AKAP11: variants seen among roughly 807,000 people sequenced by gnomAD.
The protein encoded by AKAP11 is A-kinase anchoring protein 11, also known as A-kinase anchor protein 11.
Under a neutral mutation model 146.1 loss-of-function variants are expected in AKAP11, and 36 were observed. The observed-to-expected ratio is 0.25, with a 90% CI of 0.19 to 0.33. The LOEUF is 0.33. Among genes scored for constraint, AKAP11 ranks in the 10% least tolerant of loss-of-function variants. AKAP11 has a pLI of 1.00. For synonymous variants in AKAP11, 780 were observed against 786.5 expected, an observed-to-expected ratio of 0.99 and a Z score of 0.14; for missense variants, 2,201 against 2,197.0, an observed-to-expected ratio of 1.00 and a Z score of -0.04.
At chr13:42,290,970 T>C (rs773242663) in intron 3 of AKAP11, among the ~76,000 whole-genome samples, 11 of 152,164 alleles carry the variant, frequency 7.2e-5, no homozygotes, top group Non-Finnish European at 1.3e-4. Flanking sequence ...TTTCTAAGAC[T>C]TTTCAGTGGA....
Position 42,308,565 on chromosome 13 carries a change from T to G in AKAP11, c.5229T>G (p.Asp1743Glu), listed in dbSNP as rs368763861. 2 of 1,613,302 alleles carry G rather than the reference T, an allele frequency of 1.2e-6. No individual in the cohort carries two copies. Among genetic ancestry groups the G allele is most frequent in the Non-Finnish European group, 1.7e-6 (2 of 1,179,516 alleles). The change falls in exon 9 of 13, where the codon GAT becomes GAG. Residue 1743 changes from aspartate to glutamate, a missense_variant. Around this residue, in one of 3 missense-constraint regions of AKAP11, gnomAD observed 1,867 missense variants for 1,833.5 expected, o/e 1.02. Transcript: ENST00000025301. The part of the protein sequence containing the change: ...TGSWSNLSFE[D>E]EHQDESSSFH... ...GCTGGTCCAATTTAAGTTTTGAAGA[T>G]GAACACCAAGATGAAAGCAGCAGTT...
intron 3 of AKAP11, among the ~76,000 whole-genome samples, chr13:42,288,656 C>T (rs532804093): frequency 2.0e-5 from 3 of 152,328 alleles, no homozygotes; most frequent in African/African-American, 7.2e-5. Context: ...TCCAGTCTAG[C>T]CTCTTAGTCT....
chr13:42,291,663 A>G (rs1959218577), intron 3 of AKAP11, among the ~76,000 whole-genome samples: 1 of 152,202 alleles, frequency 6.6e-6, no homozygotes, highest in Non-Finnish European at 1.5e-5. Flanking sequence ...AGGTCTTGGG[A>G]TGGGTAGGAT....
At position 42,313,106 on chromosome 13, in the gene AKAP11, A is replaced by G. The variant is rs774524645; in HGVS notation, c.5333A>G (p.Asn1778Ser). The G allele has an allele frequency of 5.0e-6, 8 of 1,613,138 alleles. No individual in the cohort carries two copies. Among genetic ancestry groups the G allele is most frequent in the East Asian group, 2.2e-5 (1 of 44,840 alleles). ...TTAGAAGGAGATTTGTATGAGGACA[A>G]TTTATCCTTTCCAACATCAGACAGG... Reference protein sequence around the residue: ...LGLEGDLYEDNLSFPTSDSDG... With the variant: ...LGLEGDLYEDSLSFPTSDSDG... The change falls in exon 10 of 13, where the codon AAT becomes AGT. Residue 1778 changes from asparagine (N) to serine (S), a missense_variant. By Grantham distance (46) the Asn-to-Ser change is conservative. Around this residue, in one of 3 missense-constraint regions of AKAP11, gnomAD observed 1,867 missense variants for 1,833.5 expected, o/e 1.02. Coordinates refer to ENST00000025301, the MANE Select transcript of AKAP11 (RefSeq NM_016248.4).
At position 42,286,641 on chromosome 13, in the gene AKAP11, G is replaced by T. The variant is rs553874527; in HGVS notation, c.51+242G>T. On this transcript the variant is annotated intron_variant, in intron 3 of 12. Coordinates refer to ENST00000025301, the MANE Select transcript of AKAP11 (RefSeq NM_016248.4). ...TTTTTCTCTACACATAGATATCCAT[G>T]TGCTTTTTTGCAATATAGGCTGTCA... Among the ~76,000 whole-genome samples, 14 of 152,232 alleles carry T rather than the reference G, an allele frequency of 9.2e-5. No individual in the cohort carries two copies. The South Asian group carries it at 2.7e-3, about 29-fold the overall frequency.
chr13:42,282,015 T>C (rs1207999126), intron 1 of AKAP11, among the ~76,000 whole-genome samples: 1 of 150,548 alleles, frequency 6.6e-6, no homozygotes, highest in Admixed American at 6.6e-5. Flanking sequence ...GTGGCCCAGG[T>C]TGGAGTGCAG....
Position 42,320,509 on chromosome 13 carries a change from T to G in AKAP11, c.*1281T>G. The stretch of plus-strand genomic sequence containing the variant: ...CTCTCTCTCCCCTCCTCCCACTCTC[T>G]TCCCCCTCCCCCCTCCTCCCACTGT... On this transcript the variant is annotated 3_prime_UTR_variant, in exon 13 of 13. Transcript: ENST00000025301. The G allele has an allele frequency of 2.1e-5, 3 of 144,076 alleles. No homozygotes were observed. The highest frequency in any genetic ancestry group is 2.5e-4 in the South Asian group (1 of 4,050). 8.9% of individuals were successfully genotyped at this position (144,076 alleles called of 1,614,324 possible). A position where few individuals can be genotyped will look rare whatever the true frequency, so the allele number is the denominator to read the frequency against.
chr13:42,271,696 T>C (rs1958770410), upstream of AKAP11, among the ~76,000 whole-genome samples: 1 of 152,058 alleles, frequency 6.6e-6, no homozygotes. Flanking sequence ...GCCTGGGGAC[T>C]TGCCAGAGGG....
rs151329683 is a variant in AKAP11 at position 42,302,069 on chromosome 13, C to T, written c.3323C>T (p.Pro1108Leu). Residue 1108 changes from proline (P) to leucine (L), a missense_variant, in exon 8 of 13, where the codon CCA becomes CTA. Physicochemically the swap from Pro to Leu is moderately conservative, Grantham distance 98. This residue lies in a region of AKAP11 where 1,867 missense variants were observed against 1,833.5 expected (regional missense o/e 1.02). Coordinates refer to ENST00000025301, the MANE Select transcript of AKAP11 (RefSeq NM_016248.4). Reference protein sequence around the residue: ...PDTPPSTPLVPSRASSEWDIK... With the variant: ...PDTPPSTPLVLSRASSEWDIK... ...ACTCCTCCATCAACTCCTCTAGTACCATCCCGGGCTAGTTCTGAATGGGAT... is the reference window on the plus strand; with the variant it reads ...ACTCCTCCATCAACTCCTCTAGTACTATCCCGGGCTAGTTCTGAATGGGAT... 280 of 1,614,016 alleles carry T rather than the reference C, an allele frequency of 1.7e-4. No individual in the cohort carries two copies. The highest frequency in any genetic ancestry group is 2.2e-4 in the Non-Finnish European group (265 of 1,180,014).
At chr13:42,309,736 A>G (rs1363967187) in intron 9 of AKAP11, among the ~76,000 whole-genome samples, 1 of 152,208 alleles carries the variant, frequency 6.6e-6, no homozygotes, top group Non-Finnish European at 1.5e-5. Flanking sequence ...GCCCTTTTCT[A>G]TAACTTTATC....
intron 1 of AKAP11, among the ~76,000 whole-genome samples, chr13:42,272,553 C>T (rs970707986): frequency 5.9e-5 from 9 of 152,178 alleles, no homozygotes; most frequent in African/African-American, 2.2e-4. Context: ...CTGTTTCCAT[C>T]CCCGGGGTGG....
intron 3 of AKAP11, among the ~76,000 whole-genome samples, chr13:42,290,555 C>G (rs922385474): frequency 6.6e-6 from 1 of 152,140 alleles, no homozygotes; most frequent in Non-Finnish European, 1.5e-5. Flanking sequence ...TGGGAGTTTA[C>G]AAATGGGGTT....
At chr13:42,307,429 G>A (rs138606187) in intron 8 of AKAP11, among the ~76,000 whole-genome samples, 1 of 152,288 alleles carries the variant, frequency 6.6e-6, no homozygotes, top group East Asian at 1.9e-4. Context: ...GCAAGGTAGG[G>A]AGTTAGGGAG....
chr13:42,280,358 A>G (rs1485214974), intron 1 of AKAP11, among the ~76,000 whole-genome samples: 3 of 152,230 alleles, frequency 2.0e-5, no homozygotes, highest in Non-Finnish European at 2.9e-5. Flanking sequence ...CAAAATGTGT[A>G]TTTGGAGTGT....
intron 1 of AKAP11, among the ~76,000 whole-genome samples, chr13:42,284,788 G>A (rs745570555): frequency 6.6e-6 from 1 of 152,204 alleles, no homozygotes; most frequent in Non-Finnish European, 1.5e-5. Flanking sequence ...GCAGCACAGG[G>A]AGACGCATGA....
Position 42,301,523 on chromosome 13 carries a change from T to C in AKAP11, c.2777T>C (p.Leu926Pro). 1 of 1,614,126 alleles carries C rather than the reference T, an allele frequency of 6.2e-7. No individual in the cohort carries two copies. Among genetic ancestry groups the C allele is most frequent in the African/African-American group, 1.3e-5 (1 of 75,066 alleles). ...TTTTCCCACTGTGATCAGGCAGTGC[T>C]GCAATGCAGTGAAGCTAGTAGCAAT... ...PPFSHCDQAV[L>P]QCSEASSNKD... The change falls in exon 8 of 13, where the codon CTG (leucine) becomes CCG (proline). Residue 926 changes from leucine to proline, a missense_variant. Physicochemically the swap from Leu to Pro is moderately conservative, Grantham distance 98. Transcript: ENST00000025301.
chr13:42,305,768 G>A (rs1213865006), intron 8 of AKAP11, among the ~76,000 whole-genome samples: 1 of 152,100 alleles, frequency 6.6e-6, no homozygotes, highest in Non-Finnish European at 1.5e-5. Context: ...CTGCTATAAA[G>A]ATACCACCTG....
intron 9 of AKAP11, among the ~76,000 whole-genome samples, chr13:42,311,385 G>T (rs887502782): frequency 1.3e-5 from 2 of 152,166 alleles, no homozygotes; most frequent in Admixed American, 1.3e-4. Flanking sequence ...TCCCACTTAG[G>T]ATAGTTTGGC....
At chr13:42,278,324 G>C (rs1049847908) in intron 1 of AKAP11, among the ~76,000 whole-genome samples, 1 of 152,174 alleles carries the variant, frequency 6.6e-6, no homozygotes, top group Non-Finnish European at 1.5e-5. Flanking sequence ...GTATCTGATA[G>C]CTGTAGTAGT....
Sources: gnomAD v4.1 joint callset for allele counts (sites outside exome capture counted in the v4.1 genomes callset) on GRCh38, gnomAD v4.1.1 for gene constraint, gnomAD v4.1.1 regional missense constraint, MANE v1.5 for transcripts, NCBI Gene and HGNC (gene_info 2026-07-23, HGNC 2026-07-21) for gene names.